Variants in SHB observed in about 807,000 individuals in gnomAD.
SHB encodes SH2 domain-containing adapter protein B.
Under a neutral mutation model 52.3 loss-of-function variants are expected in SHB, and 20 were observed. The observed-to-expected ratio is 0.38, with a 90% CI of 0.27 to 0.56. The LOEUF is 0.56. Ranked by LOEUF, SHB falls within the 20% of genes least tolerant of loss-of-function variation. The pLI is 0.71. For missense variants in SHB, 825 were observed against 723.3 expected (o/e 1.14, Z -1.61); for synonymous variants, 397 against 316.5 (o/e 1.25, Z -2.70).
chr9:37,932,730 C>T (rs1832327909), intron 5 of SHB, among the ~76,000 whole-genome samples: 1 of 152,188 alleles, frequency 6.6e-6, no homozygotes, highest in African/African-American at 2.4e-5. Context: ...CCTCCTGCCT[C>T]AGCCACCCAA....
chr9:38,062,376 T>C (rs112145547), intron 1 of SHB, among the ~76,000 whole-genome samples: 2 of 152,316 alleles, frequency 1.3e-5, no homozygotes, highest in African/African-American at 4.8e-5. Flanking sequence ...ATCCCTGCCC[T>C]TTGCCATGGG....
intron 2 of SHB, among the ~76,000 whole-genome samples, chr9:38,013,837 CT>C (rs1821174920): frequency 6.6e-6 from 1 of 152,196 alleles, no homozygotes; most frequent in African/African-American, 2.4e-5. Context: ...ACCTCAGCCC[CT>C]GTCCCATGTT....
At chr9:37,983,234 G>T (rs1242467863) in intron 2 of SHB, among the ~76,000 whole-genome samples, 1 of 152,222 alleles carries the variant, frequency 6.6e-6, no homozygotes, top group East Asian at 1.9e-4. Context: ...GGCCTTAAAA[G>T]AATTTAGACA....
At chr9:37,995,761 A>G (rs757472091) in intron 2 of SHB, among the ~76,000 whole-genome samples, 12 of 152,210 alleles carry the variant, frequency 7.9e-5, no homozygotes, top group Non-Finnish European at 1.6e-4. Context: ...CAGGGGCCTC[A>G]TTCCATGCTG....
chr9:37,947,325 C>T (rs1168058777), intron 5 of SHB, among the ~76,000 whole-genome samples: 1 of 152,226 alleles, frequency 6.6e-6, no homozygotes, highest in African/African-American at 2.4e-5. Flanking sequence ...AGGCTCACTA[C>T]CTTGAGGCAG....
At chr9:37,995,710 AG>A (rs890195428) in intron 2 of SHB, among the ~76,000 whole-genome samples, 4 of 152,208 alleles carry the variant, frequency 2.6e-5, no homozygotes, top group African/African-American at 9.6e-5. Context: ...AATGAGACCA[AG>A]GGTGCTCGAC....
At chr9:38,017,714 A>G (rs1821232811) in intron 1 of SHB, among the ~76,000 whole-genome samples, 1 of 152,254 alleles carries the variant, frequency 6.6e-6, no homozygotes, top group African/African-American at 2.4e-5. Flanking sequence ...TCAGGCTCTG[A>G]GTCCCAGTGG....
chr9:38,067,793 A>G, intron 1 of SHB, 136 bp downstream of exon 1: 1 of 960,458 alleles, frequency 1.0e-6, no homozygotes, highest in East Asian at 3.3e-5. Flanking sequence ...AGAAGCGGGA[A>G]GCAGCACGCC....
intron 5 of SHB, among the ~76,000 whole-genome samples, chr9:37,943,311 A>C (rs1832455333): frequency 1.3e-5 from 2 of 152,108 alleles, no homozygotes; most frequent in Non-Finnish European, 2.9e-5. Context: ...GCAGCCCTGA[A>C]CACATTCTCC....
At position 38,059,130 on chromosome 9, in the gene SHB, G is replaced by T. The variant is rs560973069; in HGVS notation, c.717+8799C>A. Among the ~76,000 whole-genome samples, 20 of 152,214 alleles carry T rather than the reference G, an allele frequency of 1.3e-4. 1 individual carries two copies. Among genetic ancestry groups the T allele is most frequent in the Non-Finnish European group, 2.8e-4 (19 of 68,042 alleles). On this transcript the variant is annotated intron_variant, in intron 1 of 5. Transcript: ENST00000377707. ...AACAGTGTCTACTGAATGAATGAAT[G>T]AATGAATGAGAAGAAAGGACTTGGC...
At chr9:37,973,903 C>G (rs1820622188) in intron 3 of SHB, among the ~76,000 whole-genome samples, 1 of 152,156 alleles carries the variant, frequency 6.6e-6, no homozygotes, top group South Asian at 2.1e-4. Context: ...CGCTGAGGGC[C>G]AACAGGAGCT....
At chr9:37,950,511 C>A (rs1383405204) in intron 4 of SHB, among the ~76,000 whole-genome samples, 1 of 152,212 alleles carries the variant, frequency 6.6e-6, no homozygotes, top group African/African-American at 2.4e-5. Flanking sequence ...AGTGGACACA[C>A]TCAAAATACA....
chr9:38,019,874 A>G (rs370298924), intron 1 of SHB, among the ~76,000 whole-genome samples: 2 of 152,196 alleles, frequency 1.3e-5, no homozygotes, highest in African/African-American at 4.8e-5. Context: ...ACGATGTAAC[A>G]TTATGCAGCA....
Position 37,974,756 on chromosome 9 carries a change from C to G in SHB, c.920G>C (p.Ser307Thr), listed in dbSNP as rs755545767. The G allele has an allele frequency of 1.2e-6, 2 of 1,614,192 alleles. No individual in the cohort carries two copies. Among genetic ancestry groups the G allele is most frequent in the East Asian group, 4.5e-5 (2 of 44,880 alleles). ...TGTGCTCTCCGAGTCTGAGTCAACA[C>G]TTTGGCCTTCAGGTTCGTAAGGGGT... Reference protein sequence around the residue: ...YDTPYEPEGQSVDSDSESTVS... With the variant: ...YDTPYEPEGQTVDSDSESTVS... The change falls in exon 3 of 6, where the codon AGT becomes ACT. Residue 307 changes from serine to threonine, a missense_variant. Ser to Thr is a moderately conservative substitution (Grantham distance 58). Coordinates refer to ENST00000377707, the MANE Select transcript of SHB (RefSeq NM_003028.3).
At chr9:37,959,326 T>C (rs2117924603) in intron 3 of SHB, among the ~76,000 whole-genome samples, 1 of 152,282 alleles carries the variant, frequency 6.6e-6, no homozygotes, top group South Asian at 2.1e-4. Context: ...GATGCCTCCC[T>C]GCTGCTAATT....
At chr9:37,932,503 A>T (rs1328271430) in intron 5 of SHB, among the ~76,000 whole-genome samples, 1 of 150,758 alleles carries the variant, frequency 6.6e-6, no homozygotes, top group African/African-American at 2.5e-5. Context: ...CAGGTAATAA[A>T]CAAATTGTAC....
At chr9:38,030,318 C>G (rs1394154125) in intron 1 of SHB, among the ~76,000 whole-genome samples, 1 of 152,194 alleles carries the variant, frequency 6.6e-6, no homozygotes, top group East Asian at 1.9e-4. Flanking sequence ...GTAGACGACA[C>G]AGCAAAATGA....
chr9:37,991,333 G>A (rs1055258734), intron 2 of SHB, among the ~76,000 whole-genome samples: 1 of 152,150 alleles, frequency 6.6e-6, no homozygotes, highest in Non-Finnish European at 1.5e-5. Context: ...AGGGCTCCAC[G>A]CTTTCAGGGA....
chr9:38,040,516 T>C (rs1821561772), intron 1 of SHB, among the ~76,000 whole-genome samples: 1 of 152,190 alleles, frequency 6.6e-6, no homozygotes, highest in Non-Finnish European at 1.5e-5. Context: ...AGTGAAGAGC[T>C]ACCCCTGTCC....
Sources: allele counts gnomAD v4.1 joint callset (sites outside exome capture counted in the v4.1 genomes callset), GRCh38; gene constraint gnomAD v4.1.1; transcripts MANE v1.5; gene names NCBI Gene and HGNC (gene_info 2026-07-23, HGNC 2026-07-21).